PAK1IP1: variants seen among roughly 807,000 people sequenced by gnomAD.
PAK1IP1 encodes the protein p21-activated protein kinase-interacting protein 1.
A neutral mutation model predicts 42.0 loss-of-function variants in PAK1IP1; 24 were observed. The ratio of observed to expected loss-of-function variants is 0.57; its 90% CI spans 0.41 to 0.80. The LOEUF is 0.80. PAK1IP1 is among the 30% of genes least tolerant of loss of function. The pLI is 0.00. For synonymous variants in PAK1IP1, 154 were observed against 156.7 expected (o/e 0.98, Z 0.13); for missense variants, 411 against 467.9 (o/e 0.88, Z 1.12).
At position 10,708,674 on chromosome 6, in the gene PAK1IP1, C is replaced by G. The variant is rs139956289; in HGVS notation, c.841-279C>G. On this transcript the variant is annotated intron_variant, in intron 8 of 9. Coordinates refer to ENST00000379568, the MANE Select transcript of PAK1IP1 (RefSeq NM_017906.3). ...TTAGGTGTATCTCCTGATGCTATTC[C>G]TCCCCCTGCCCCCCACCCCACAACA... 7.5e-3 allele frequency among the ~76,000 whole-genome samples: 1,147 copies of G among 151,940 alleles called. 11 individuals carry two copies. The highest frequency in any genetic ancestry group is 0.026 in the African/African-American group (1,066 of 41,378).
At chr6:10,698,502 G>C (rs1336734953) in intron 2 of PAK1IP1, among the ~76,000 whole-genome samples, 4 of 152,176 alleles carry the variant, frequency 2.6e-5, no homozygotes, top group African/African-American at 9.7e-5. Flanking sequence ...AAGCAGTTCC[G>C]GATTATGAGA....
In PAK1IP1 at chr6:10,708,157, G is replaced by A. The variant is rs186010113; in HGVS notation, c.840+643G>A. 5.8e-3 allele frequency among the ~76,000 whole-genome samples: 867 copies of A among 149,904 alleles called. 8 individuals carry two copies. The highest frequency in any genetic ancestry group is 0.02 in the African/African-American group (823 of 40,652). On this transcript the variant is annotated intron_variant, in intron 8 of 9. Coordinates refer to ENST00000379568, the MANE Select transcript of PAK1IP1 (RefSeq NM_017906.3). ...AATATTTTCATCACACCAAAGAGAA[G>A]CTCCATACCCATTAGCAGTCACCCC... is the stretch of plus-strand genomic sequence containing the variant.
intron 5 of PAK1IP1, among the ~76,000 whole-genome samples, chr6:10,703,781 A>G (rs563837624): frequency 2.6e-4 from 40 of 152,354 alleles, no homozygotes; most frequent in African/African-American, 9.4e-4. Flanking sequence ...TTCTGGTCCC[A>G]AGCATTTTGG....
Position 10,704,591 on chromosome 6 carries a change from C to T in PAK1IP1, c.581C>T (p.Thr194Ile), listed in dbSNP as rs1261693949. ...QNKIDIYQLD[T>I]ASISGTITNE... ...AAAATAGACATCTATCAGCTTGACA[C>T]TGCATCCATTAGTGGCACCATCACA... is the stretch of plus-strand genomic sequence containing the variant. The change falls in exon 6 of 10, where the codon ACT becomes ATT. Residue 194 changes from threonine to isoleucine, a missense_variant. Thr to Ile is a moderately conservative substitution (Grantham distance 89, BLOSUM62 -1). Transcript: ENST00000379568. 6.2e-7 allele frequency: 1 copy of T among 1,606,212 alleles called. No homozygotes were observed. The highest frequency in any genetic ancestry group is 1.3e-5 in the African/African-American group (1 of 74,796).
At chr6:10,703,589 G>T in intron 5 of PAK1IP1, 132 bp downstream of exon 5, 1 of 607,592 alleles carries the variant, frequency 1.6e-6, no homozygotes, top group Non-Finnish European at 2.9e-6. Flanking sequence ...CTCATGATGG[G>T]TCACAGTCAG....
At chr6:10,700,461 A>T (rs1769993453) in intron 2 of PAK1IP1, among the ~76,000 whole-genome samples, 1 of 152,200 alleles carries the variant, frequency 6.6e-6, no homozygotes, top group Non-Finnish European at 1.5e-5. Flanking sequence ...CACCTCTTAA[A>T]CTATCACATT....
chr6:10,697,259 C>T (rs1274207699), intron 1 of PAK1IP1, 65 bp from the exon 2 acceptor site: 1 of 1,294,746 alleles, frequency 7.7e-7, no homozygotes, highest in Non-Finnish European at 1.1e-6. Flanking sequence ...TGAAAACTAC[C>T]AGTGGATAGA....
chr6:10,692,857 G>A (rs1368010008), upstream of PAK1IP1, among the ~76,000 whole-genome samples: 1 of 152,166 alleles, frequency 6.6e-6, no homozygotes. Context: ...TGAATACAAG[G>A]ATTTCCACTA....
chr6:10,697,323 G>A lies in PAK1IP1; in HGVS notation c.85-1G>A, dbSNP rs1438143038. On this transcript the variant is annotated splice_acceptor_variant, in intron 1 of 9. Transcript: ENST00000379568. LOFTEE classifies it high-confidence loss of function. ...TAATTGTATGTTTTCATCTTCAGCA[G>A]CAATGGACTCTTGTGGCTGACTTCA... The A allele has an allele frequency of 4.3e-6, 7 of 1,612,356 alleles. No homozygotes were observed. The highest frequency in any genetic ancestry group is 5.9e-6 in the Non-Finnish European group (7 of 1,178,752).
At chr6:10,692,031 A>G (rs761154934), upstream of PAK1IP1, among the ~76,000 whole-genome samples, 1 of 152,216 alleles carries the variant, frequency 6.6e-6, no homozygotes, top group Non-Finnish European at 1.5e-5. Context: ...TTTATTTTAA[A>G]AAGTGTATTA....
chr6:10,702,263 A>T (rs1185983776), intron 2 of PAK1IP1, 106 bp from the exon 3 acceptor site: 2 of 902,060 alleles, frequency 2.2e-6, no homozygotes, highest in Non-Finnish European at 3.4e-6. Context: ...AAGAAAAAGA[A>T]AAAAAGGTAT....
In PAK1IP1 at chr6:10,697,410, T is replaced by C. The variant is rs747850528; in HGVS notation, c.171T>C (p.Thr57=). 6.8e-6 allele frequency: 11 copies of C among 1,613,900 alleles called. No homozygotes were observed. Among genetic ancestry groups the C allele is most frequent in the African/African-American group, 1.3e-5 (1 of 74,906 alleles). The change falls in exon 2 of 10, where the codon ACT becomes ACC. Residue 57 remains threonine, a synonymous_variant. Transcript: ENST00000379568. ...CTGTAAATAGTCGTTTTGTGGTCAC[T>C]GGGAGCAAAGATGAAACAATTCACA... The part of the protein sequence containing the change: ...AVAVNSRFVV[T]GSKDETIHIY...
intron 1 of PAK1IP1, among the ~76,000 whole-genome samples, chr6:10,696,894 A>G (rs541475598): frequency 2.2e-4 from 34 of 152,402 alleles, no homozygotes; most frequent in Non-Finnish European, 3.8e-4. Context: ...TGCCAGACAC[A>G]TAGTAGGCAC....
chr6:10,692,126 G>A (rs913576271), upstream of PAK1IP1, among the ~76,000 whole-genome samples: 2 of 152,180 alleles, frequency 1.3e-5, no homozygotes, highest in African/African-American at 4.8e-5. Flanking sequence ...AGAAGTAACA[G>A]AATATACAAA....
At chr6:10,700,754 G>T (rs191391401) in intron 2 of PAK1IP1, among the ~76,000 whole-genome samples, 11 of 152,286 alleles carry the variant, frequency 7.2e-5, no homozygotes, top group South Asian at 2.1e-4. Flanking sequence ...ATTGGGGGGT[G>T]AATGAAGTAG....
intron 2 of PAK1IP1, among the ~76,000 whole-genome samples, chr6:10,699,200 CAAA>C (rs796680429): frequency 3.6e-5 from 2 of 55,400 alleles, no homozygotes; most frequent in Admixed American, 1.9e-4. Context: ...GACTCTGTCT[CAAA>C]AAAAAAAAAA....
chr6:10,702,386 A>G lies in PAK1IP1; in HGVS notation c.265A>G (p.Lys89Glu). 6.2e-7 allele frequency: 1 copy of G among 1,613,656 alleles called. No individual in the cohort carries two copies. Among genetic ancestry groups the G allele is most frequent in the Non-Finnish European group, 8.5e-7 (1 of 1,179,522 alleles). ...TTCCATAGGTACAATAACTTGCCTG[A>G]AATTCTATGGCAACAGGCATTTAAT... ...VHHSGTITCLKFYGNRHLISG... is the reference protein window; with the variant it reads ...VHHSGTITCLEFYGNRHLISG... Residue 89 changes from lysine to glutamate, a missense_variant, in exon 3 of 10, where the codon AAA (lysine) becomes GAA (glutamate). By Grantham distance (56) the Lys-to-Glu change is moderately conservative. Coordinates refer to ENST00000379568, the MANE Select transcript of PAK1IP1 (RefSeq NM_017906.3).
chr6:10,696,776 C>G (rs1769874417), intron 1 of PAK1IP1, among the ~76,000 whole-genome samples: 3 of 152,168 alleles, frequency 2.0e-5, no homozygotes, highest in Admixed American at 1.3e-4. Context: ...AACCCTGTCT[C>G]TACCAAAATT....
chr6:10,694,600 GCAA>G, upstream of PAK1IP1: 1 of 173,900 alleles, frequency 5.8e-6, no homozygotes, highest in Admixed American at 6.1e-5. Context: ...CAGCCCCTAA[GCAA>G]CCGGCCGGAA....
Sources: gnomAD v4.1 joint callset for allele counts (sites outside exome capture counted in the v4.1 genomes callset) on GRCh38, gnomAD v4.1.1 for gene constraint, MANE v1.5 for transcripts, NCBI Gene and HGNC (gene_info 2026-07-23, HGNC 2026-07-21) for gene names.